The following OGG1 variants were observed in gnomAD, a reference collection of about 807,000 sequenced individuals.
The protein encoded by OGG1 is 8-oxoguanine DNA glycosylase, also known as N-glycosylase/DNA lyase.
A neutral mutation model predicts 42.3 loss-of-function variants in OGG1; 35 were observed. That is an observed-to-expected ratio of 0.83 (90% confidence interval 0.63 to 1.10). The LOEUF is 1.10. Ranked by LOEUF, OGG1 falls within the 50% of genes least tolerant of loss-of-function variation. The probability of loss-of-function intolerance (pLI) is 0.00; values close to 1 mark genes in which losing one functional copy is unlikely to be tolerated. For synonymous variants in OGG1, 189 were observed against 179.0 expected, an observed-to-expected ratio of 1.06 and a Z score of -0.44; for missense variants, 484 against 446.7, an observed-to-expected ratio of 1.08 and a Z score of -0.75.
Position 9,757,336 on chromosome 3 carries a change from AG to A in OGG1, c.*187del, listed in dbSNP as rs752139323. 34 of 1,591,166 alleles carry A rather than the reference AG, an allele frequency of 2.1e-5. No individual in the cohort carries two copies. In the South Asian group the frequency reaches 3.4e-4, roughly 16 times the overall value. On this transcript the variant is annotated 3_prime_UTR_variant, in exon 7 of 7. Transcript: ENST00000344629. The surrounding 1 kb of genome is among the most constrained non-coding windows in gnomAD (Gnocchi z 4.5). The stretch of plus-strand genomic sequence containing the variant: ...TGGGGTGGGGGATATTGAGGGAGAC[AG>A]CGCTAAGGATGGTTTTATCTTCCCT...
chr3:9,757,255 TGAC>T lies in OGG1; in HGVS notation c.*106_*108del. The T allele has an allele frequency of 1.2e-6, 2 of 1,614,120 alleles. No individual in the cohort carries two copies. Among genetic ancestry groups the T allele is most frequent in the African/African-American group, 1.3e-5 (1 of 75,060 alleles). On this transcript the variant is annotated 3_prime_UTR_variant, in exon 7 of 7. Transcript: ENST00000344629. The surrounding 1 kb of genome is among the most constrained non-coding windows in gnomAD (Gnocchi z 4.5). ...CTCATGTTGGGGAGGGGCCTCCCTG[TGAC>T]TACCTCAAAGGCCAGGCACCCCCAA...
At chr3:9,783,059 T>C (rs1431221094) in intron 3 of OGG1, 3 of 152,186 alleles carry the variant, frequency 2.0e-5, no homozygotes, top group Non-Finnish European at 4.4e-5. Context: ...CCTAAAACAC[T>C]GGTCAATTTC....
downstream of OGG1, among the ~76,000 whole-genome samples, chr3:9,769,612 G>A (rs558223546): frequency 3.9e-5 from 6 of 152,232 alleles, no homozygotes; most frequent in Non-Finnish European, 7.4e-5. Flanking sequence ...CGCTCACACA[G>A]GCCCCCTTCT....
intron 6 of OGG1, 78 bp downstream of exon 6, chr3:9,756,894 G>C (rs759603261): frequency 8.1e-6 from 13 of 1,612,260 alleles, no homozygotes; most frequent in Non-Finnish European, 1.1e-5. Flanking sequence ...CACCGCCCCA[G>C]GTGGCCCTAA....
Position 9,750,374 on chromosome 3 carries a change from C to A in OGG1, c.88C>A (p.Arg30Ser). The change falls in exon 1 of 7, where the codon CGC becomes AGC. Residue 30 changes from arginine to serine, a missense_variant. Transcript: ENST00000344629. ...CCTGTGGGCCTCCATCCCGTGCCCT[C>A]GCTCTGAGCTGCGCCTGGACCTGGT... ...PALWASIPCP[R>S]SELRLDLVLP... 1 of 1,614,084 alleles carries A rather than the reference C, an allele frequency of 6.2e-7. No individual in the cohort carries two copies. The highest frequency in any genetic ancestry group is 8.5e-7 in the Non-Finnish European group (1 of 1,180,028).
At chr3:9,757,736 C>T, downstream of OGG1, 2 of 1,614,192 alleles carry the variant, frequency 1.2e-6, no homozygotes, top group South Asian at 2.2e-5. The surrounding 1 kb of genome is among the most constrained non-coding windows in gnomAD (Gnocchi z 4.5). Flanking sequence ...CACCCCCAGC[C>T]ACTGGTGTCA....
intron 3 of OGG1, among the ~76,000 whole-genome samples, chr3:9,753,344 T>A (rs1575191109): frequency 1.0e-5 from 1 of 99,362 alleles, no homozygotes; most frequent in Non-Finnish European, 2.0e-5. Flanking sequence ...AGGGCGAGAC[T>A]CCGTCTCAAA....
downstream of OGG1, chr3:9,767,558 C>A: frequency 1.4e-6 from 2 of 1,428,914 alleles, no homozygotes; most frequent in Non-Finnish European, 1.9e-6. Flanking sequence ...ATAGTGCTGC[C>A]ACAGGGCCTG....
chr3:9,752,104 C>T, intron 3 of OGG1, 155 bp downstream of exon 3: 1 of 689,896 alleles, frequency 1.4e-6, no homozygotes, highest in South Asian at 1.7e-5. Flanking sequence ...GTTACTCATC[C>T]TCCCTATGCA....
chr3:9,754,186 G>A (rs1470850538), intron 3 of OGG1, among the ~76,000 whole-genome samples: 2 of 152,194 alleles, frequency 1.3e-5, no homozygotes, highest in Non-Finnish European at 2.9e-5. Flanking sequence ...CTAGGTGCAA[G>A]ATCTTATCTC....
Position 9,757,149 on chromosome 3 carries a change from A to T in OGG1, c.1037A>T (p.Ter346LeuextTer78). The T allele has an allele frequency of 1.2e-6, 2 of 1,614,118 alleles. No individual in the cohort carries two copies. The highest frequency in any genetic ancestry group is 1.7e-6 in the Non-Finnish European group (2 of 1,179,990). ...RRKGSKGPEG[*>L] Reference sequence around the variant, plus strand: ...AAGGGTTCCAAAGGGCCGGAAGGCTAGATGGGGCACCCTGGACAAAGAAAT... The same window carrying T: ...AAGGGTTCCAAAGGGCCGGAAGGCTTGATGGGGCACCCTGGACAAAGAAAT... Residue 346 changes from the stop codon to leucine (L), a stop_lost, in exon 7 of 7, where the codon TAG becomes TTG. Coordinates refer to ENST00000344629, the MANE Select transcript of OGG1 (RefSeq NM_002542.6). This position sits in a 1 kb window ranked among gnomAD's most constrained non-coding sequence, Gnocchi z 4.5.
chr3:9,757,532 C>T (rs772639259), downstream of OGG1: 2 of 1,611,482 alleles, frequency 1.2e-6, no homozygotes, highest in Non-Finnish European at 1.7e-6. This position sits in a 1 kb window ranked among gnomAD's most constrained non-coding sequence, Gnocchi z 4.5. Context: ...ACCCGAGGTC[C>T]AGGGCCCTAG....
chr3:9,773,083 G>T (rs577007405), intron 2 of OGG1, among the ~76,000 whole-genome samples: 1 of 152,180 alleles, frequency 6.6e-6, no homozygotes, highest in South Asian at 2.1e-4. Flanking sequence ...ACAAAAATTA[G>T]CTGGGTGTGG....
rs139714921 is a variant in OGG1 at position 9,779,479 on chromosome 3, G to A, written c.295-2034G>A. Among the ~76,000 whole-genome samples, 653 of 152,090 alleles carry A rather than the reference G, an allele frequency of 4.3e-3. 2 individuals carry two copies. Among genetic ancestry groups the A allele is most frequent in the Non-Finnish European group, 7.3e-3 (495 of 67,982 alleles). ...TAGGCAGAGGTCGACACTGTGGAGG[G>A]CAGTGTGGTGACCCCTAAGAAACCT... On this transcript the variant is annotated intron_variant, in intron 2 of 3. Transcript: ENST00000426518.
intron 4 of OGG1, among the ~76,000 whole-genome samples, chr3:9,755,898 C>T (rs115605451): frequency 1.4e-3 from 217 of 152,266 alleles, no homozygotes; most frequent in African/African-American, 4.9e-3. Context: ...GGCCAGGTCA[C>T]TTCACCTTTC....
At chr3:9,774,959 AT>A (rs201509950) in intron 2 of OGG1, among the ~76,000 whole-genome samples, 4,124 of 142,636 alleles carry the variant, frequency 0.029, 133 homozygotes, top group African/African-American at 0.089. Flanking sequence ...TGTTTGAGTA[AT>A]TTTTTTTTTT....
chr3:9,784,245 G>C, intron 3 of OGG1: 1 of 1,587,060 alleles, frequency 6.3e-7, no homozygotes, highest in Non-Finnish European at 8.6e-7. Flanking sequence ...TCAGACTCAA[G>C]AGCCAGCTTG....
At chr3:9,759,403 GC>G, downstream of OGG1, 7 of 1,584,338 alleles carry the variant, frequency 4.4e-6, no homozygotes, top group South Asian at 7.7e-5. Flanking sequence ...CCAGTGTGAT[GC>G]CAGGTGCTGT....
At chr3:9,760,957 A>G (rs977641075), downstream of OGG1, 1 of 826,158 alleles carries the variant, frequency 1.2e-6, no homozygotes, top group Non-Finnish European at 1.8e-6. Context: ...ATGTGCCGCC[A>G]TCTTGCCCTC....
Sources: gnomAD v4.1 joint callset for allele counts (sites outside exome capture counted in the v4.1 genomes callset) on GRCh38, gnomAD v4.1.1 for gene constraint, Gnocchi (gnomAD v3.1) non-coding constraint, MANE v1.5 for transcripts, NCBI Gene and HGNC (gene_info 2026-07-23, HGNC 2026-07-21) for gene names.